Variants in ACTR3 observed in about 807,000 individuals in gnomAD.
ACTR3 encodes actin related protein 3.
Under a neutral mutation model 56.8 loss-of-function variants are expected in ACTR3, and 12 were observed. The ratio of observed to expected loss-of-function variants is 0.21; its 90% confidence interval spans 0.14 to 0.34. ACTR3 has a LOEUF of 0.34. Ranked by LOEUF, ACTR3 falls within the 10% of genes least tolerant of loss-of-function variation. The pLI, the probability that ACTR3 is intolerant of heterozygous loss-of-function variation, is 1.00. For missense variants in ACTR3, 282 were observed against 512.5 expected (o/e 0.55, Z 4.34); for synonymous variants, 162 against 167.4 (o/e 0.97, Z 0.25).
At chr2:113,908,989 ATAT>A (rs1421456399) in intron 1 of ACTR3, among the ~76,000 whole-genome samples, 6 of 152,252 alleles carry the variant, frequency 3.9e-5, no homozygotes, top group Admixed American at 2.0e-4. Context: ...ATTGGTGAAA[ATAT>A]TGTTGTCTAT....
At chr2:113,928,133 A>G (rs62169886) in intron 4 of ACTR3, among the ~76,000 whole-genome samples, 11,171 of 152,154 alleles carry the variant, frequency 0.073, 455 homozygotes, top group African/African-American at 0.1. Flanking sequence ...CCTCAACACA[A>G]AATACCTATC....
At chr2:113,938,502 G>A (rs1679868241) in intron 6 of ACTR3, among the ~76,000 whole-genome samples, 1 of 152,178 alleles carries the variant, frequency 6.6e-6, no homozygotes, top group African/African-American at 2.4e-5. Context: ...ATGTTATTAA[G>A]CAGGTCCGTA....
intron 3 of ACTR3, among the ~76,000 whole-genome samples, chr2:113,925,195 T>G (rs67810081): frequency 1.1e-5 from 1 of 94,470 alleles, no homozygotes. Flanking sequence ...TCGTGCCACC[T>G]TTTTTTTTTT....
intron 2 of ACTR3, among the ~76,000 whole-genome samples, chr2:113,914,640 AAAAG>A (rs1168907656): frequency 6.6e-6 from 1 of 151,610 alleles, no homozygotes; most frequent in Non-Finnish European, 1.5e-5. Flanking sequence ...AAAAGAAAGA[AAAAG>A]AAAAGAAATA....
At chr2:113,912,134 C>A (rs1296440828) in intron 1 of ACTR3, among the ~76,000 whole-genome samples, 2 of 152,080 alleles carry the variant, frequency 1.3e-5, no homozygotes, top group African/African-American at 4.8e-5. Flanking sequence ...CCTCAGCTTC[C>A]CAAAGTGCTA....
At chr2:113,913,279 C>G in intron 2 of ACTR3, 52 bp downstream of exon 2, 2 of 1,301,726 alleles carry the variant, frequency 1.5e-6, no homozygotes, top group Non-Finnish European at 2.1e-6. Flanking sequence ...ATCCCCTTCC[C>G]TAATAATTTA....
At position 113,961,655 on chromosome 2, in the gene ACTR3, A is replaced by G. The variant is rs922457150; in HGVS notation, c.*4200A>G. 3.3e-5 allele frequency: 5 copies of G among 151,922 alleles called. No homozygotes were observed. The highest frequency in any genetic ancestry group is 6.6e-5 in the Admixed American group (1 of 15,224). The allele number at this position is 151,922 out of a possible 1,614,324, so 9.4% of individuals were successfully genotyped here. A position where few individuals can be genotyped will look rare whatever the true frequency, so the allele number is the denominator to read the frequency against. ...TCCCAGAAGCATTGATTGACTGTCTACTGTGGTTCAAGTACTGTGCATAAA... is the reference window on the plus strand; with the variant it reads ...TCCCAGAAGCATTGATTGACTGTCTGCTGTGGTTCAAGTACTGTGCATAAA... On this transcript the variant is annotated 3_prime_UTR_variant, in exon 12 of 12. Transcript: ENST00000263238.
rs1455954118 is a variant in ACTR3 at position 113,961,660 on chromosome 2, G to A, written c.*4205G>A. 1.3e-5 allele frequency: 2 copies of A among 151,798 alleles called. No homozygotes were observed. The highest frequency in any genetic ancestry group is 6.6e-5 in the Admixed American group (1 of 15,200). The allele number at this position is 151,798 out of a possible 1,614,324, so 9.4% of individuals were successfully genotyped here. A position where few individuals can be genotyped will look rare whatever the true frequency, so the allele number is the denominator to read the frequency against. ...GAAGCATTGATTGACTGTCTACTGT[G>A]GTTCAAGTACTGTGCATAAAGATGA... On this transcript the variant is annotated 3_prime_UTR_variant, in exon 12 of 12. Coordinates refer to ENST00000263238, the MANE Select transcript of ACTR3 (RefSeq NM_005721.5).
In ACTR3 at chr2:113,940,027, T is replaced by C; in HGVS notation, c.609T>C (p.Phe203=). The C allele has an allele frequency of 6.2e-7, 1 of 1,613,366 alleles. No individual in the cohort carries two copies. Among genetic ancestry groups the C allele is most frequent in the Non-Finnish European group, 8.5e-7 (1 of 1,179,524 alleles). ...IPIAGRDITY[F]IQQLLRDREV... ...TCGCAGGACGAGATATAACATATTT[T>C]ATTCAGCAACTGCTGAGAGACCGAG... The change falls in exon 7 of 12, where the codon TTT becomes TTC. Residue 203 remains phenylalanine (F), a synonymous_variant. Coordinates refer to ENST00000263238, the MANE Select transcript of ACTR3 (RefSeq NM_005721.5).
At chr2:113,922,209 GAC>G (rs1679524213) in intron 3 of ACTR3, among the ~76,000 whole-genome samples, 1 of 151,620 alleles carries the variant, frequency 6.6e-6, no homozygotes, top group South Asian at 2.1e-4. Flanking sequence ...GAGATGAAGA[GAC>G]ACATTTCAAC....
Position 113,959,146 on chromosome 2 carries a change from TC to T in ACTR3, c.*1694del, listed in dbSNP as rs1680277687. 6.6e-6 allele frequency: 1 copy of T among 152,030 alleles called. No homozygotes were observed. The highest frequency in any genetic ancestry group is 1.5e-5 in the Non-Finnish European group (1 of 67,892). The allele number at this position is 152,030 out of a possible 1,614,324, so 9.4% of individuals were successfully genotyped here. A position where few individuals can be genotyped will look rare whatever the true frequency, so the allele number is the denominator to read the frequency against. ...GTAGATTAGCAAAAGTAAGTTTTTT[TC>T]CCTAGCCTGTCTCATTTTTCCATCA... On this transcript the variant is annotated 3_prime_UTR_variant, in exon 12 of 12. Transcript: ENST00000263238.
At chr2:113,907,191 A>G (rs562569240) in intron 1 of ACTR3, among the ~76,000 whole-genome samples, 1 of 152,330 alleles carries the variant, frequency 6.6e-6, no homozygotes, top group East Asian at 1.9e-4. Flanking sequence ...GCTGTCCAAA[A>G]GAGAGTTTTT....
intron 10 of ACTR3, 197 bp downstream of exon 10, chr2:113,952,042 C>G: frequency 1.4e-6 from 1 of 724,886 alleles, no homozygotes; most frequent in Non-Finnish European, 2.1e-6. Flanking sequence ...GTCTGTATTT[C>G]TGGAAAATAA....
At chr2:113,890,510 T>C in intron 1 of ACTR3, 187 bp downstream of exon 1, 1 of 1,340,170 alleles carries the variant, frequency 7.5e-7, no homozygotes, top group Non-Finnish European at 9.7e-7. Flanking sequence ...TTCTCCCTCC[T>C]GGGACTGGGG....
intron 3 of ACTR3, among the ~76,000 whole-genome samples, chr2:113,925,945 T>A (rs1679612382): frequency 6.6e-6 from 1 of 152,294 alleles, no homozygotes. Flanking sequence ...GCCGTTAGGG[T>A]CTCAGTAACG....
rs181718438 is a variant in ACTR3, at chr2:113,931,835, G to A, written c.432+439G>A. Among the ~76,000 whole-genome samples, 14 of 148,060 alleles carry A rather than the reference G, an allele frequency of 9.5e-5. No homozygotes were observed. The East Asian group carries it at 1.8e-3, about 19-fold the overall frequency. On this transcript the variant is annotated intron_variant, in intron 5 of 11. Transcript: ENST00000263238. Reference sequence around the variant, plus strand: ...ATATTTCACTTCTCTTAATTTGTACGTTTATCTGTATGGAACAGCTTCTCT... The same window carrying A: ...ATATTTCACTTCTCTTAATTTGTACATTTATCTGTATGGAACAGCTTCTCT...
intron 1 of ACTR3, among the ~76,000 whole-genome samples, chr2:113,907,961 C>A (rs1574355295): frequency 1.1e-5 from 1 of 94,608 alleles, no homozygotes; most frequent in African/African-American, 4.4e-5. Context: ...GCAACAAGAG[C>A]AAAACTCTGT....
At chr2:113,942,653 A>G (rs929290482) in intron 8 of ACTR3, among the ~76,000 whole-genome samples, 4 of 151,904 alleles carry the variant, frequency 2.6e-5, no homozygotes, top group Non-Finnish European at 4.4e-5. Context: ...TCTTCCCTCC[A>G]TCATGGACTC....
chr2:113,909,621 G>GTT lies in ACTR3; in HGVS notation c.45-3539_45-3538dup, dbSNP rs202150469. ...TAAAAGTTTTTTTGTTGTTGTTGTT[G>GTT]TTTTTTTTTTTTTGGGAGGGTGCAG... On this transcript the variant is annotated intron_variant, in intron 1 of 11. Transcript: ENST00000263238. 6.0e-3 allele frequency among the ~76,000 whole-genome samples: 769 copies of GTT among 127,732 alleles called. 8 individuals carry two copies. Among genetic ancestry groups the GTT allele is most frequent in the African/African-American group, 0.02 (728 of 36,206 alleles). The allele number at this position is 127,732 out of a possible 152,430, so 83.8% of individuals were successfully genotyped here.
Sources: allele counts gnomAD v4.1 joint callset (sites outside exome capture counted in the v4.1 genomes callset), GRCh38; gene constraint gnomAD v4.1.1; transcripts MANE v1.5; gene names NCBI Gene and HGNC (gene_info 2026-07-23, HGNC 2026-07-21).